Variants in RBFOX1 observed in about 807,000 individuals in gnomAD.
RBFOX1 encodes the protein RNA binding protein fox-1 homolog 1.
In RBFOX1, 8 loss-of-function variants were observed where a neutral mutation model predicts 57.7. The observed-to-expected ratio is 0.14, with a 90% CI of 0.08 to 0.25. The LOEUF (loss-of-function observed/expected upper bound fraction) is 0.25. Among genes scored for constraint, RBFOX1 ranks in the 10% least tolerant of loss-of-function variants. The pLI, the probability that RBFOX1 is intolerant of heterozygous loss-of-function variation, is 1.00. For synonymous variants in RBFOX1, 326 were observed against 222.4 expected, an observed-to-expected ratio of 1.47 and a Z score of -4.15; for missense variants, 611 against 548.5, an observed-to-expected ratio of 1.11 and a Z score of -1.14.
At chr16:7,499,393 A>G (rs2069861385) in intron 4 of RBFOX1, among the ~76,000 whole-genome samples, 1 of 152,094 alleles carries the variant, frequency 6.6e-6, no homozygotes, top group South Asian at 2.1e-4. Context: ...ATCTTAACTA[A>G]TTACATCTGC....
intron 1 of RBFOX1, among the ~76,000 whole-genome samples, chr16:5,253,202 T>A (rs1881330): frequency 0.34 from 51,882 of 151,656 alleles, 9,075 homozygotes; most frequent in South Asian, 0.43. Flanking sequence ...CAGGCTGGAG[T>A]GCAATGGTGC....
chr16:6,490,818 G>A (rs367817836), intron 2 of RBFOX1, among the ~76,000 whole-genome samples: 2 of 152,178 alleles, frequency 1.3e-5, no homozygotes, highest in African/African-American at 2.4e-5. Flanking sequence ...ATAAACTCAC[G>A]TTTGAACAAA....
At chr16:5,482,321 C>T (rs1188317056) in intron 2 of RBFOX1, among the ~76,000 whole-genome samples, 19 of 152,182 alleles carry the variant, frequency 1.2e-4, no homozygotes, top group Admixed American at 1.0e-3. Flanking sequence ...GCACACCATT[C>T]GGTACTGGGA....
At chr16:6,999,439 T>C (rs77079942) in intron 3 of RBFOX1, among the ~76,000 whole-genome samples, 1 of 150,920 alleles carries the variant, frequency 6.6e-6, no homozygotes. Context: ...TTTTTTAATT[T>C]TTATTTTTTA....
chr16:6,535,993 C>A (rs1567594541), intron 2 of RBFOX1, among the ~76,000 whole-genome samples: 1 of 152,200 alleles, frequency 6.6e-6, no homozygotes, highest in African/African-American at 2.4e-5. Context: ...TCATATATAT[C>A]TATCTCTAGG....
rs1238422550 is a variant in RBFOX1, at chr16:7,710,242, C to G, written c.1072-381C>G. 16 of 1,068,908 alleles carry G rather than the reference C, an allele frequency of 1.5e-5. No homozygotes were observed. In the Admixed American group the frequency reaches 6.7e-4, roughly 45 times the overall value. 66.2% of individuals were successfully genotyped at this position (1,068,908 alleles called of 1,614,324 possible). On this transcript the variant is annotated intron_variant, in intron 15 of 15. Coordinates refer to ENST00000550418, the MANE Select transcript of RBFOX1 (RefSeq NM_018723.4). ...TGCATTCAACAACTCTGCTTCAACA[C>G]CTAGTCCACATGAGGAATGTGTTGG...
chr16:6,450,239 C>T (rs763577652), intron 2 of RBFOX1, among the ~76,000 whole-genome samples: 10 of 152,260 alleles, frequency 6.6e-5, no homozygotes, highest in South Asian at 6.2e-4. Context: ...TTTGCTTCCT[C>T]ATCTATAATA....
chr16:5,976,834 A>G (rs1214361905), intron 4 of RBFOX1, among the ~76,000 whole-genome samples: 1 of 152,194 alleles, frequency 6.6e-6, no homozygotes, highest in Non-Finnish European at 1.5e-5. Flanking sequence ...ATGCCACTGC[A>G]CTTCAGCCTG....
At chr16:7,310,771 C>G (rs564402429) in intron 4 of RBFOX1, among the ~76,000 whole-genome samples, 1 of 152,326 alleles carries the variant, frequency 6.6e-6, no homozygotes, top group South Asian at 2.1e-4. Context: ...AATGTGTATT[C>G]ATTCACCTGT....
intron 3 of RBFOX1, among the ~76,000 whole-genome samples, chr16:6,840,811 TG>T (rs1392221238): frequency 3.4e-5 from 5 of 147,020 alleles, no homozygotes; most frequent in Non-Finnish European, 7.4e-5. Flanking sequence ...TGCTTGATCC[TG>T]GGAGGTGGAG....
At chr16:6,105,963 A>T (rs1761335298) in intron 1 of RBFOX1, among the ~76,000 whole-genome samples, 1 of 150,978 alleles carries the variant, frequency 6.6e-6, no homozygotes, top group African/African-American at 2.4e-5. Context: ...CCCACTTGCC[A>T]CCCCCCAGCT....
intron 2 of RBFOX1, among the ~76,000 whole-genome samples, chr16:6,614,519 G>A (rs1601581501): frequency 6.6e-6 from 1 of 152,186 alleles, no homozygotes; most frequent in East Asian, 1.9e-4. Flanking sequence ...TCCTGAGGCT[G>A]CTGTAACTGA....
At chr16:6,360,679 A>G (rs2088298711) in intron 2 of RBFOX1, among the ~76,000 whole-genome samples, 1 of 152,226 alleles carries the variant, frequency 6.6e-6, no homozygotes, top group African/African-American at 2.4e-5. Flanking sequence ...ATTATCTGAA[A>G]TAATCATCAC....
intron 4 of RBFOX1, among the ~76,000 whole-genome samples, chr16:7,206,003 G>A (rs905656099): frequency 6.6e-6 from 1 of 152,226 alleles, no homozygotes; most frequent in Admixed American, 6.5e-5. Flanking sequence ...GTTGTGTTCT[G>A]AACACAGGTG....
intron 5 of RBFOX1, 91 bp downstream of exon 5, chr16:7,518,480 G>A (rs1189662438): frequency 6.7e-7 from 1 of 1,495,606 alleles, no homozygotes; most frequent in East Asian, 2.3e-5. Flanking sequence ...CATCTACCCA[G>A]GGACTCTGGG....
chr16:7,124,342 A>G (rs536192398), intron 4 of RBFOX1, among the ~76,000 whole-genome samples: 86 of 152,254 alleles, frequency 5.6e-4, no homozygotes, highest in African/African-American at 2.0e-3. Flanking sequence ...TGAGTTCAGG[A>G]GGTTGAGGCT....
chr16:5,708,147 T>G (rs72765155), intron 3 of RBFOX1, among the ~76,000 whole-genome samples: 1 of 152,332 alleles, frequency 6.6e-6, no homozygotes, highest in Non-Finnish European at 1.5e-5. Flanking sequence ...GTAGTCAGAC[T>G]GGAACTGGAT....
At chr16:5,999,925 C>A (rs1172606887) in intron 4 of RBFOX1, among the ~76,000 whole-genome samples, 27 of 110,846 alleles carry the variant, frequency 2.4e-4, no homozygotes, top group South Asian at 3.0e-4. Flanking sequence ...GAAGGGAAAT[C>A]AGACAAGGAA....
At chr16:7,030,404 C>T (rs1214805508) in intron 3 of RBFOX1, among the ~76,000 whole-genome samples, 1 of 152,192 alleles carries the variant, frequency 6.6e-6, no homozygotes. Flanking sequence ...ATTCAAGGTT[C>T]TGGAGGCCAC....
Sources: allele counts gnomAD v4.1 joint callset (sites outside exome capture counted in the v4.1 genomes callset), GRCh38; gene constraint gnomAD v4.1.1; transcripts MANE v1.5; gene names NCBI Gene and HGNC (gene_info 2026-07-23, HGNC 2026-07-21).